Variants in PRDM6 observed in about 807,000 individuals in gnomAD.
The protein encoded by PRDM6 is PR/SET domain 6.
Under a neutral mutation model 60.8 loss-of-function variants are expected in PRDM6, and 25 were observed. The ratio of observed to expected loss-of-function variants is 0.41; its 90% CI spans 0.30 to 0.57. The LOEUF (loss-of-function observed/expected upper bound fraction) is 0.57. PRDM6 is among the 20% of genes least tolerant of loss of function. The pLI is 0.27. For missense variants in PRDM6, 839 were observed against 821.3 expected (o/e 1.02, Z -0.26); for synonymous variants, 407 against 357.4 (o/e 1.14, Z -1.57).
Position 123,187,315 on chromosome 5 carries a change from A to G in PRDM6, c.*114A>G. 2 of 701,430 alleles carry G rather than the reference A, an allele frequency of 2.9e-6. No homozygotes were observed. Among genetic ancestry groups the G allele is most frequent in the South Asian group, 1.7e-5 (1 of 59,364 alleles). The allele number at this position is 701,430 out of a possible 1,614,324, so 43.5% of individuals were successfully genotyped here. A position where few individuals can be genotyped will look rare whatever the true frequency, so the allele number is the denominator to read the frequency against. The stretch of plus-strand genomic sequence containing the variant: ...ACTTTCAATCAGTCCCAGAAAACCA[A>G]AAGCAGTAATAAAATAAGTAAGATG... On this transcript the variant is annotated 3_prime_UTR_variant, in exon 8 of 8. Coordinates refer to ENST00000407847, the MANE Select transcript of PRDM6 (RefSeq NM_001136239.4).
intron 3 of PRDM6, among the ~76,000 whole-genome samples, chr5:123,138,717 A>G (rs747444285): frequency 1.3e-5 from 2 of 152,208 alleles, no homozygotes; most frequent in Non-Finnish European, 2.9e-5. Context: ...GACACATTAG[A>G]TGCCAAGTGT....
intron 5 of PRDM6, among the ~76,000 whole-genome samples, chr5:123,164,699 T>C (rs548811366): frequency 2.9e-4 from 44 of 152,278 alleles, no homozygotes; most frequent in Admixed American, 2.7e-3. Context: ...GTCACTGTTA[T>C]GAGAGATTTG....
In PRDM6 at chr5:123,155,945, G is replaced by A; in HGVS notation, c.962G>A (p.Ser321Asn). ...GATGGTGGGGAACCTAGTAAGTCGAGCTGGATGAGGTATATCCGATGTGCA... is the reference window on the plus strand; with the variant it reads ...GATGGTGGGGAACCTAGTAAGTCGAACTGGATGAGGTATATCCGATGTGCA... ...FIDGGEPSKS[S>N]WMRYIRCARH... Residue 321 changes from serine (S) to asparagine (N), a missense_variant, in exon 4 of 8, where the codon AGC becomes AAC. Transcript: ENST00000407847. 1.9e-6 allele frequency: 3 copies of A among 1,551,750 alleles called. No homozygotes were observed. Among genetic ancestry groups the A allele is most frequent in the Non-Finnish European group, 2.6e-6 (3 of 1,146,926 alleles).
chr5:123,164,154 A>G (rs999651925), intron 5 of PRDM6, among the ~76,000 whole-genome samples: 5 of 150,788 alleles, frequency 3.3e-5, no homozygotes, highest in South Asian at 2.1e-4. Context: ...CTCAGTCTAC[A>G]AGAGAACACA....
intron 3 of PRDM6, among the ~76,000 whole-genome samples, chr5:123,121,853 G>GT (rs111771327): frequency 0.027 from 3,662 of 136,232 alleles, 90 homozygotes; most frequent in African/African-American, 0.075. Flanking sequence ...GAGTTTTTTA[G>GT]TTTTTTTTTT....
chr5:123,102,093 T>A (rs988399351), intron 3 of PRDM6, among the ~76,000 whole-genome samples: 1 of 152,158 alleles, frequency 6.6e-6, no homozygotes, highest in African/African-American at 2.4e-5. Flanking sequence ...CTATTTTTTT[T>A]AATTATCTGT....
intron 6 of PRDM6, among the ~76,000 whole-genome samples, chr5:123,171,511 CTTAA>C (rs1166224335): frequency 2.6e-5 from 4 of 152,068 alleles, no homozygotes; most frequent in Non-Finnish European, 5.9e-5. Context: ...TGGGTATGAA[CTTAA>C]TTAAGTACTA....
intron 3 of PRDM6, among the ~76,000 whole-genome samples, chr5:123,121,191 A>G (rs899617446): frequency 1.3e-5 from 2 of 152,218 alleles, no homozygotes; most frequent in Non-Finnish European, 2.9e-5. Flanking sequence ...CTCCCAAGCC[A>G]CCAAGAAGCT....
chr5:123,178,673 G>C (rs1039128465), intron 6 of PRDM6, among the ~76,000 whole-genome samples: 3 of 152,144 alleles, frequency 2.0e-5, no homozygotes, highest in Non-Finnish European at 4.4e-5. Context: ...CCAATCCTTG[G>C]CTATTAGTCA....
chr5:123,105,225 T>C (rs1373337977), intron 3 of PRDM6, among the ~76,000 whole-genome samples: 4 of 152,354 alleles, frequency 2.6e-5, no homozygotes, highest in East Asian at 3.9e-4. Flanking sequence ...CATAACTGCA[T>C]ATTTTCTTAC....
chr5:123,139,820 G>A (rs1580511019), intron 3 of PRDM6, among the ~76,000 whole-genome samples: 1 of 152,160 alleles, frequency 6.6e-6, no homozygotes, highest in Non-Finnish European at 1.5e-5. Flanking sequence ...GAATCAAGAT[G>A]TGGTTGGAGA....
chr5:123,102,425 TTC>T (rs1465669640), intron 3 of PRDM6, among the ~76,000 whole-genome samples: 1 of 152,160 alleles, frequency 6.6e-6, no homozygotes, highest in African/African-American at 2.4e-5. Flanking sequence ...TAAATTTTAG[TTC>T]TTTCTTTCAA....
chr5:123,122,120 A>G (rs1020056781), intron 3 of PRDM6, among the ~76,000 whole-genome samples: 1 of 128,812 alleles, frequency 7.8e-6, no homozygotes, highest in Non-Finnish European at 1.6e-5. Flanking sequence ...CCGAGATCCC[A>G]CCATTGCACT....
intron 6 of PRDM6, chr5:123,173,262 T>C (rs1765936527): frequency 6.4e-6 from 1 of 155,314 alleles, no homozygotes; most frequent in Admixed American, 6.6e-5. Flanking sequence ...TAATTCGTAA[T>C]ATACTTATGT....
intron 7 of PRDM6, among the ~76,000 whole-genome samples, chr5:123,181,294 G>A (rs1766154055): frequency 6.6e-6 from 1 of 152,208 alleles, no homozygotes; most frequent in Non-Finnish European, 1.5e-5. Flanking sequence ...AGGGTGAAAA[G>A]TACAACAGTA....
In PRDM6 at chr5:123,180,784, A is replaced by T. The variant is rs78175270; in HGVS notation, c.1673+461A>T. On this transcript the variant is annotated intron_variant, in intron 7 of 7. Coordinates refer to ENST00000407847, the MANE Select transcript of PRDM6 (RefSeq NM_001136239.4). Reference sequence around the variant, plus strand: ...GAACCCTTCAGGATTCTGATGAAATATATCCTCCTCTTTCCTATGTGTTAA... The same window carrying T: ...GAACCCTTCAGGATTCTGATGAAATTTATCCTCCTCTTTCCTATGTGTTAA... Among the ~76,000 whole-genome samples, 52 of 152,330 alleles carry T rather than the reference A, an allele frequency of 3.4e-4. 2 individuals carry two copies. The East Asian group carries it at 9.4e-3, about 28-fold the overall frequency.
At chr5:123,185,145 T>A (rs943254129) in intron 7 of PRDM6, among the ~76,000 whole-genome samples, 4 of 152,234 alleles carry the variant, frequency 2.6e-5, no homozygotes, top group African/African-American at 9.6e-5. Context: ...ATATTACATA[T>A]AGACATACAC....
intron 3 of PRDM6, among the ~76,000 whole-genome samples, chr5:123,128,101 TC>T (rs1208381401): frequency 2.0e-5 from 3 of 152,188 alleles, no homozygotes; most frequent in Admixed American, 6.5e-5. Flanking sequence ...CATGAACTCA[TC>T]CTTTTTAATG....
intron 3 of PRDM6, among the ~76,000 whole-genome samples, chr5:123,150,709 G>C (rs1273083884): frequency 6.6e-6 from 1 of 152,174 alleles, no homozygotes; most frequent in Admixed American, 6.5e-5. Context: ...TAAATAGGTA[G>C]AGGATATCTG....
Sources: gnomAD v4.1 joint callset for allele counts (sites outside exome capture counted in the v4.1 genomes callset) on GRCh38, gnomAD v4.1.1 for gene constraint, MANE v1.5 for transcripts, NCBI Gene and HGNC (gene_info 2026-07-23, HGNC 2026-07-21) for gene names.